The following RBM26 variants were observed in gnomAD, a reference collection of about 807,000 sequenced individuals.
RBM26 encodes RNA binding motif protein 26.
Under a neutral mutation model 123.6 loss-of-function variants are expected in RBM26, and 30 were observed. The ratio of observed to expected loss-of-function variants is 0.24; its 90% confidence interval spans 0.18 to 0.33. The LOEUF is 0.33. Ranked by LOEUF, RBM26 falls within the 10% of genes least tolerant of loss-of-function variation. The pLI is 1.00. For synonymous variants in RBM26, 400 were observed against 404.4 expected (o/e 0.99, Z 0.13); for missense variants, 947 against 1,203.6 (o/e 0.79, Z 3.15).
At chr13:79,355,083 CT>C in intron 12 of RBM26, 136 bp downstream of exon 12, 1 of 737,738 alleles carries the variant, frequency 1.4e-6, no homozygotes, top group Admixed American at 2.8e-5. Context: ...TTTTTCAAGT[CT>C]TTACAGGTAA....
At chr13:79,346,282 A>G (rs1026314168) in intron 14 of RBM26, among the ~76,000 whole-genome samples, 2 of 152,224 alleles carry the variant, frequency 1.3e-5, no homozygotes, top group African/African-American at 2.4e-5. Flanking sequence ...TAAACGAAAT[A>G]AAAACCTAAA....
At chr13:79,402,716 C>G (rs1193688554) in intron 1 of RBM26, among the ~76,000 whole-genome samples, 2 of 152,164 alleles carry the variant, frequency 1.3e-5, no homozygotes, top group Non-Finnish European at 2.9e-5. Flanking sequence ...CAATCCCATC[C>G]TTTTGCCCCA....
At chr13:79,393,007 TACC>T (rs1411609337) in intron 1 of RBM26, among the ~76,000 whole-genome samples, 1 of 152,122 alleles carries the variant, frequency 6.6e-6, no homozygotes, top group African/African-American at 2.4e-5. Flanking sequence ...GAATCAGAAG[TACC>T]ACAAGCCACA....
intron 14 of RBM26, among the ~76,000 whole-genome samples, chr13:79,352,727 T>C (rs2073431600): frequency 6.6e-6 from 1 of 152,172 alleles, no homozygotes; most frequent in African/African-American, 2.4e-5. Context: ...ATCACCATTT[T>C]ACCGATGAGT....
At chr13:79,312,256 G>A (rs2066916441) in exon 5 of RBM26, 1 of 152,030 alleles carries the variant, frequency 6.6e-6, no homozygotes, top group Non-Finnish European at 1.5e-5. Context: ...CCACTTATTA[G>A]AAGAAATCTT....
At chr13:79,395,182 A>C (rs959596784) in intron 1 of RBM26, among the ~76,000 whole-genome samples, 3 of 152,226 alleles carry the variant, frequency 2.0e-5, no homozygotes, top group African/African-American at 7.2e-5. Flanking sequence ...CAAAATAGTA[A>C]GAAAATGTGA....
At chr13:79,373,305 A>G (rs1390455430) in intron 3 of RBM26, among the ~76,000 whole-genome samples, 1 of 108,350 alleles carries the variant, frequency 9.2e-6, no homozygotes, top group South Asian at 2.4e-4. Flanking sequence ...AATATATAAA[A>G]ATATAAATAA....
intron 8 of RBM26, 110 bp downstream of exon 8, chr13:79,365,944 AT>A: frequency 1.8e-6 from 2 of 1,127,092 alleles, no homozygotes; most frequent in South Asian, 3.2e-5. Context: ...CCACGGCTAC[AT>A]AATTTTAGTG....
rs2079479273 is a variant in RBM26 at position 79,405,730 on chromosome 13, G to A, written c.45C>T (p.Ser15=). 1.2e-6 allele frequency: 2 copies of A among 1,600,132 alleles called. No homozygotes were observed. The highest frequency in any genetic ancestry group is 1.7e-5 in the Admixed American group (1 of 58,540). ...MIIENFEALK[S]WLSKTLEPIC... Reference sequence around the variant, plus strand: ...TGGGCTCGAGAGTCTTGCTGAGCCAGGACTTGAGTGCCTCGAAGTTTTCAA... The same window carrying A: ...TGGGCTCGAGAGTCTTGCTGAGCCAAGACTTGAGTGCCTCGAAGTTTTCAA... Residue 15 remains serine (S), a synonymous_variant, in exon 1 of 22, where the codon TCC becomes TCT. Transcript: ENST00000438737.
chr13:79,372,044 G>A, intron 3 of RBM26, 114 bp from the exon 4 acceptor site: 1 of 701,224 alleles, frequency 1.4e-6, no homozygotes, highest in Non-Finnish European at 2.4e-6. Context: ...ACTTTGGGAG[G>A]CTGAGGCGGG....
chr13:79,325,226 CATT>C (rs1436707955), intron 20 of RBM26, among the ~76,000 whole-genome samples: 1 of 152,056 alleles, frequency 6.6e-6, no homozygotes, highest in Non-Finnish European at 1.5e-5. Flanking sequence ...TACTCTTTAT[CATT>C]ATTTTAGAGT....
chr13:79,370,824 G>A, intron 5 of RBM26, 121 bp downstream of exon 5: 1 of 1,051,928 alleles, frequency 9.5e-7, no homozygotes, highest in South Asian at 1.6e-5. Flanking sequence ...CATTCTCTTG[G>A]ACCACAGAAT....
chr13:79,379,834 G>GAT (rs939891412), intron 1 of RBM26, among the ~76,000 whole-genome samples: 5 of 151,560 alleles, frequency 3.3e-5, no homozygotes, highest in Admixed American at 3.3e-4. Flanking sequence ...AAAGACAAAG[G>GAT]ATATGAATAG....
chr13:79,316,980 GTTTTT>G (rs751640199), downstream of RBM26, among the ~76,000 whole-genome samples: 1 of 151,434 alleles, frequency 6.6e-6, no homozygotes, highest in African/African-American at 2.4e-5. Flanking sequence ...ATATTGGTTT[GTTTTT>G]TTTTTAAAAA....
chr13:79,355,671 A>G (rs1331549420), intron 11 of RBM26, among the ~76,000 whole-genome samples: 1 of 152,222 alleles, frequency 6.6e-6, no homozygotes, highest in African/African-American at 2.4e-5. Flanking sequence ...CCCAATTTTA[A>G]TAGCAACTAT....
chr13:79,397,387 A>G (rs1177909622), intron 1 of RBM26, among the ~76,000 whole-genome samples: 13 of 152,016 alleles, frequency 8.6e-5, no homozygotes, highest in Admixed American at 2.6e-4. Context: ...CTACTTCAAC[A>G]TTGTACTATT....
intron 18 of RBM26, among the ~76,000 whole-genome samples, chr13:79,339,667 G>A (rs567071634): frequency 6.6e-6 from 1 of 152,220 alleles, no homozygotes; most frequent in South Asian, 2.1e-4. Flanking sequence ...CCTTGAAAAG[G>A]AGGGTCCTTG....
chr13:79,318,005 G>A (rs966016131), downstream of RBM26, among the ~76,000 whole-genome samples: 3 of 151,534 alleles, frequency 2.0e-5, no homozygotes, highest in African/African-American at 4.8e-5. Context: ...CCTTCCTAGA[G>A]GAGCTTGTAA....
intron 1 of RBM26, among the ~76,000 whole-genome samples, chr13:79,389,867 T>C (rs1264430441): frequency 2.6e-5 from 4 of 152,182 alleles, no homozygotes; most frequent in Middle Eastern, 3.4e-3. Context: ...TTAAACAAAG[T>C]GCAATACACT....
Sources: gnomAD v4.1 joint callset for allele counts (sites outside exome capture counted in the v4.1 genomes callset) on GRCh38, gnomAD v4.1.1 for gene constraint, MANE v1.5 for transcripts, NCBI Gene and HGNC (gene_info 2026-07-23, HGNC 2026-07-21) for gene names.